Variants in RBFOX1 observed in about 807,000 individuals in gnomAD.
RBFOX1 encodes RNA binding fox-1 homolog 1.
A neutral mutation model predicts 57.7 loss-of-function variants in RBFOX1; 8 were observed. The observed-to-expected ratio is 0.14, with a 90% CI of 0.08 to 0.25. The LOEUF (loss-of-function observed/expected upper bound fraction) is 0.25, where lower values mean the gene tolerates loss of function less well. RBFOX1 is among the 10% of genes least tolerant of loss of function. RBFOX1 has a pLI of 1.00. For synonymous variants in RBFOX1, 326 were observed against 222.4 expected (o/e 1.47, Z -4.15); for missense variants, 611 against 548.5 (o/e 1.11, Z -1.14).
chr16:6,300,610 A>C (rs1309696555), intron 1 of RBFOX1, among the ~76,000 whole-genome samples: 1 of 152,168 alleles, frequency 6.6e-6, no homozygotes, highest in Non-Finnish European at 1.5e-5. Context: ...ATCTAGTTTC[A>C]TCTTTCCAAT....
intron 3 of RBFOX1, among the ~76,000 whole-genome samples, chr16:6,679,480 T>C (rs1459177017): frequency 1.3e-5 from 2 of 152,138 alleles, no homozygotes; most frequent in African/African-American, 4.8e-5. Flanking sequence ...CTGGGAAGTT[T>C]CCACAAATGA....
intron 4 of RBFOX1, among the ~76,000 whole-genome samples, chr16:7,469,785 G>C (rs531474166): frequency 1.1e-3 from 170 of 152,220 alleles, no homozygotes; most frequent in African/African-American, 3.8e-3. Context: ...TTGATCTCCA[G>C]AACTTTTTCA....
intron 3 of RBFOX1, among the ~76,000 whole-genome samples, chr16:6,841,202 G>T (rs2093442951): frequency 6.6e-6 from 1 of 152,074 alleles, no homozygotes; most frequent in East Asian, 1.9e-4. Flanking sequence ...ATTATGAAAA[G>T]ATTTAGTTAT....
intron 1 of RBFOX1, among the ~76,000 whole-genome samples, chr16:5,245,175 TTGA>T (rs2062266720): frequency 6.6e-6 from 1 of 152,162 alleles, no homozygotes. Flanking sequence ...CATGATGGTG[TTGA>T]TGTGTGGAGT....
At chr16:6,881,593 C>T (rs919440022) in intron 3 of RBFOX1, among the ~76,000 whole-genome samples, 5 of 152,184 alleles carry the variant, frequency 3.3e-5, no homozygotes, top group Admixed American at 1.3e-4. Context: ...TACTGGCTTA[C>T]AGCCCACTCT....
At chr16:7,207,091 G>C (rs2090146125) in intron 4 of RBFOX1, among the ~76,000 whole-genome samples, 1 of 152,112 alleles carries the variant, frequency 6.6e-6, no homozygotes. Flanking sequence ...TTGTACAGTT[G>C]GTAACTGAGG....
At chr16:5,553,798 A>G (rs1225076144) in intron 2 of RBFOX1, among the ~76,000 whole-genome samples, 9 of 150,344 alleles carry the variant, frequency 6.0e-5, no homozygotes, top group African/African-American at 2.0e-4. Flanking sequence ...AAAAACATGT[A>G]TACTACTATA....
At chr16:6,839,875 C>G (rs2093362046) in intron 3 of RBFOX1, among the ~76,000 whole-genome samples, 2 of 152,100 alleles carry the variant, frequency 1.3e-5, no homozygotes, top group Non-Finnish European at 2.9e-5. Context: ...TATCTTTTCC[C>G]CTCCCATCCC....
intron 2 of RBFOX1, among the ~76,000 whole-genome samples, chr16:6,318,934 C>G (rs965371555): frequency 3.3e-5 from 5 of 151,712 alleles, no homozygotes; most frequent in African/African-American, 7.3e-5. Context: ...TGCAGCTTCT[C>G]TGATACAGCA....
At chr16:5,384,366 G>C (rs754282502) in intron 1 of RBFOX1, among the ~76,000 whole-genome samples, 1 of 152,216 alleles carries the variant, frequency 6.6e-6, no homozygotes, top group Non-Finnish European at 1.5e-5. Context: ...GCCAATGTCA[G>C]TCAATAGAGG....
At chr16:7,076,096 C>T (rs1034317493) in intron 4 of RBFOX1, among the ~76,000 whole-genome samples, 2 of 150,484 alleles carry the variant, frequency 1.3e-5, no homozygotes, top group Non-Finnish European at 2.9e-5. Context: ...GGCTGGACTG[C>T]CATGGCGCGA....
chr16:5,935,106 T>A (rs7200507), intron 4 of RBFOX1, among the ~76,000 whole-genome samples: 53,575 of 152,116 alleles, frequency 0.35, 9,627 homozygotes, highest in Middle Eastern at 0.56. Context: ...TACTGAAGCT[T>A]TGCAAACCTC....
chr16:5,313,544 G>C (rs1420875301), intron 1 of RBFOX1, among the ~76,000 whole-genome samples: 1 of 152,064 alleles, frequency 6.6e-6, no homozygotes, highest in Non-Finnish European at 1.5e-5. Context: ...AGACTTACCC[G>C]AGACTGGGAA....
In RBFOX1 at chr16:5,339,470, G is replaced by GTTTTTTTTTTTTTTTTTTTTTTT. The variant is rs560472298; in HGVS notation, c.219+99373_219+99395dup. Among the ~76,000 whole-genome samples the GTTTTTTTTTTTTTTTTTTTTTTT allele has an allele frequency of 2.6e-3, 108 of 40,888 alleles. 39 individuals carry two copies. Among genetic ancestry groups the GTTTTTTTTTTTTTTTTTTTTTTT allele is most frequent in the Non-Finnish European group, 3.4e-3 (76 of 22,198 alleles). The allele number at this position is 40,888 out of a possible 152,430, so 26.8% of individuals were successfully genotyped here. A position where few individuals can be genotyped will look rare whatever the true frequency, so the allele number is the denominator to read the frequency against. On this transcript the variant is annotated intron_variant, in intron 1 of 2. Transcript: ENST00000585867. Reference sequence around the variant, plus strand: ...AAAAGCTAGAAGCTGCTTTTTCCGTGTTTTTTTTTTTTTTTTTTTTTTTTT... The same window carrying GTTTTTTTTTTTTTTTTTTTTTTT: ...AAAAGCTAGAAGCTGCTTTTTCCGTGTTTTTTTTTTTTTTTTTTTTTTTTTTTTTTTTTTTTTTTTTTTTTTTT...
chr16:5,859,456 A>C (rs1358646978), intron 3 of RBFOX1, among the ~76,000 whole-genome samples: 1 of 152,226 alleles, frequency 6.6e-6, no homozygotes, highest in Non-Finnish European at 1.5e-5. Context: ...AGCCTCAGAC[A>C]GGTAAGGTAA....
At chr16:6,716,105 A>G (rs531914308) in intron 3 of RBFOX1, among the ~76,000 whole-genome samples, 1 of 152,344 alleles carries the variant, frequency 6.6e-6, no homozygotes, top group East Asian at 1.9e-4. Context: ...TTGGAATTAG[A>G]TTGGCCTGAG....
At chr16:7,465,721 G>A (rs914412982) in intron 4 of RBFOX1, among the ~76,000 whole-genome samples, 1 of 152,174 alleles carries the variant, frequency 6.6e-6, no homozygotes, top group Non-Finnish European at 1.5e-5. Flanking sequence ...CTCATTAAAT[G>A]CAGATTTGTG....
chr16:6,652,011 C>G (rs74653766), intron 2 of RBFOX1, among the ~76,000 whole-genome samples: 1 of 152,128 alleles, frequency 6.6e-6, no homozygotes, highest in African/African-American at 2.4e-5. Flanking sequence ...GTGTTAAGTC[C>G]TCAATTGTAT....
intron 3 of RBFOX1, among the ~76,000 whole-genome samples, chr16:6,922,084 G>C (rs1241719772): frequency 6.6e-6 from 1 of 152,166 alleles, no homozygotes; most frequent in Non-Finnish European, 1.5e-5. Context: ...TCACTGCCCA[G>C]ATTTTAGCAT....
Sources: allele counts gnomAD v4.1 joint callset (sites outside exome capture counted in the v4.1 genomes callset), GRCh38; gene constraint gnomAD v4.1.1; transcripts MANE v1.5; gene names NCBI Gene and HGNC (gene_info 2026-07-23, HGNC 2026-07-21).